Variants in COL12A1 observed in about 807,000 individuals in gnomAD.
COL12A1 encodes collagen alpha-1(XII) chain.
Under a neutral mutation model 349.7 loss-of-function variants are expected in COL12A1, and 114 were observed. The ratio of observed to expected loss-of-function variants is 0.33; its 90% CI spans 0.28 to 0.38. The LOEUF (loss-of-function observed/expected upper bound fraction) is 0.38, where lower values mean the gene tolerates loss of function less well. Among genes scored for constraint, COL12A1 ranks in the 10% least tolerant of loss-of-function variants. The probability of loss-of-function intolerance (pLI) is 1.00; values close to 1 mark genes in which losing one functional copy is unlikely to be tolerated. For missense variants in COL12A1, 3,284 were observed against 3,756.9 expected (o/e 0.87, Z 3.29); for synonymous variants, 1,369 against 1,329.0 (o/e 1.03, Z -0.66).
chr6:75,101,545 G>T, intron 58 of COL12A1, 55 bp downstream of exon 58: 1 of 1,541,488 alleles, frequency 6.5e-7, no homozygotes, highest in Non-Finnish European at 8.9e-7. Flanking sequence ...TTAATTAATA[G>T]GCAACCATAT....
At chr6:75,102,536 A>G in intron 56 of COL12A1, 61 bp downstream of exon 56, 3 of 1,294,882 alleles carry the variant, frequency 2.3e-6, no homozygotes, top group Non-Finnish European at 3.1e-6. Context: ...TGTAGAAAAG[A>G]TTCATTTAAC....
intron 30 of COL12A1, among the ~76,000 whole-genome samples, chr6:75,138,116 G>A (rs1766712815): frequency 6.6e-6 from 1 of 151,972 alleles, no homozygotes. Flanking sequence ...CTTTTGTTAT[G>A]GCACCCCAAG....
intron 51 of COL12A1, among the ~76,000 whole-genome samples, chr6:75,109,846 C>T (rs1236157221): frequency 6.6e-6 from 1 of 151,984 alleles, no homozygotes; most frequent in Admixed American, 6.6e-5. Context: ...AAAGAATGGT[C>T]CTGGGTAATC....
chr6:75,202,533 G>A (rs1424132558), intron 2 of COL12A1, among the ~76,000 whole-genome samples, 187 bp downstream of exon 2: 1 of 152,232 alleles, frequency 6.6e-6, no homozygotes, highest in Non-Finnish European at 1.5e-5. Context: ...ATACGAAAGA[G>A]CTGGACCTGA....
intron 10 of COL12A1, among the ~76,000 whole-genome samples, chr6:75,181,536 T>C (rs973802825): frequency 1.3e-5 from 2 of 152,212 alleles, no homozygotes; most frequent in Non-Finnish European, 2.9e-5. Flanking sequence ...TTGGAATATT[T>C]AAACCATAGC....
At chr6:75,088,925 C>T (rs1369241719) in intron 64 of COL12A1, among the ~76,000 whole-genome samples, 181 bp downstream of exon 64, 3 of 151,522 alleles carry the variant, frequency 2.0e-5, no homozygotes, top group African/African-American at 7.3e-5. Flanking sequence ...GGCGTGAACC[C>T]AGGAGGTGGA....
intron 13 of COL12A1, among the ~76,000 whole-genome samples, chr6:75,174,475 G>A (rs1160674080): frequency 6.6e-6 from 1 of 152,150 alleles, no homozygotes; most frequent in Non-Finnish European, 1.5e-5. Flanking sequence ...AGACTGGCGT[G>A]AACCATAGAG....
chr6:75,170,350 A>G (rs1768558354), intron 13 of COL12A1, among the ~76,000 whole-genome samples: 1 of 152,232 alleles, frequency 6.6e-6, no homozygotes, highest in South Asian at 2.1e-4. Context: ...ATTAGAGCTC[A>G]GCTCAAAAGT....
At position 75,091,491 on chromosome 6, in the gene COL12A1, C is replaced by G; in HGVS notation, c.8684G>C (p.Arg2895Thr). ...PSGLKGEKGD[R>T]GDIASQNMMR... ...GTAAGATTTTTTAAAAATACATACC[C>G]TATCACCTTTTTCTCCTTTCAACCC... Residue 2895 changes from arginine (R) to threonine (T), a missense_variant and splice_region_variant, in exon 61 of 66, where the codon AGG becomes ACG. Arg to Thr is a moderately conservative substitution (Grantham distance 71, BLOSUM62 -1). Transcript: ENST00000322507. 6.2e-7 allele frequency: 1 copy of G among 1,612,832 alleles called. No homozygotes were observed. Among genetic ancestry groups the G allele is most frequent in the Non-Finnish European group, 8.5e-7 (1 of 1,179,714 alleles).
intron 39 of COL12A1, among the ~76,000 whole-genome samples, chr6:75,126,009 C>A (rs776845939): frequency 2.0e-5 from 3 of 152,000 alleles, no homozygotes; most frequent in Non-Finnish European, 2.9e-5. Flanking sequence ...AATACCTGGG[C>A]ATAGTGGGAA....
chr6:75,165,962 A>C (rs1049084612), intron 13 of COL12A1, among the ~76,000 whole-genome samples, 183 bp from the exon 14 acceptor site: 1 of 152,142 alleles, frequency 6.6e-6, no homozygotes, highest in African/African-American at 2.4e-5. Flanking sequence ...AGATGCAATA[A>C]AACTTTAGAA....
rs375113182 is a variant in COL12A1 at position 75,113,686 on chromosome 6, G to C, written c.7756C>G (p.Leu2586Val). Residue 2586 changes from leucine (L) to valine (V), a missense_variant, in exon 50 of 66, where the codon CTC (leucine) becomes GTC (valine). Transcript: ENST00000322507. ...SYTIILLFRL[L>V]PETPSDPFAI... is the part of the protein sequence containing the mutation. The stretch of plus-strand genomic sequence containing the variant: ...AAAGGGTCACTGGGAGTTTCTGGGA[G>C]AAGTCTGAATAATAATATAATCGTG... The C allele has an allele frequency of 6.2e-7, 1 of 1,607,206 alleles. No individual in the cohort carries two copies.
In COL12A1 at chr6:75,091,470, GA is replaced by G. The variant is rs745441898; in HGVS notation, c.8685+19del. On this transcript the variant is annotated intron_variant, in intron 61 of 65. Coordinates refer to ENST00000322507, the MANE Select transcript of COL12A1 (RefSeq NM_004370.6). ...TGTTTAACACACAAAATAAACGTAA[GA>G]TTTTTTAAAAATACATACCCTATCA... 2.5e-6 allele frequency: 4 copies of G among 1,612,962 alleles called. No individual in the cohort carries two copies. The highest frequency in any genetic ancestry group is 3.4e-6 in the Non-Finnish European group (4 of 1,179,576).
rs191188430 is a variant in COL12A1, at chr6:75,193,725, C to A, written c.190+1106G>T. On this transcript the variant is annotated intron_variant, in intron 3 of 65. Transcript: ENST00000322507. ...ATATCTCCTAATGCTATCCCTCCCC[C>A]CTCCCCACACCCCATGACAGGCCCC... 4.6e-5 allele frequency among the ~76,000 whole-genome samples: 7 copies of A among 151,352 alleles called. No homozygotes were observed. The East Asian group carries it at 7.8e-4, about 17-fold the overall frequency.
chr6:75,119,930 C>A (rs635567), intron 44 of COL12A1, among the ~76,000 whole-genome samples: 113,794 of 152,096 alleles, frequency 0.75, 43,045 homozygotes, highest in African/African-American at 0.87. Flanking sequence ...CTCATCACAA[C>A]CTCATTGAAA....
chr6:75,162,239 G>A (rs916332129), intron 14 of COL12A1, among the ~76,000 whole-genome samples: 1 of 152,108 alleles, frequency 6.6e-6, no homozygotes, highest in African/African-American at 2.4e-5. Flanking sequence ...CAAGCTACCT[G>A]AATTCAAACT....
chr6:75,160,756 A>G (rs1314440399), intron 14 of COL12A1, among the ~76,000 whole-genome samples: 1 of 152,102 alleles, frequency 6.6e-6, no homozygotes, highest in Non-Finnish European at 1.5e-5. Context: ...CCCTCACCTA[A>G]CGTTAAATAA....
At chr6:75,174,935 G>T (rs1768838151) in intron 13 of COL12A1, 103 bp downstream of exon 13, 2 of 1,269,266 alleles carry the variant, frequency 1.6e-6, no homozygotes, top group East Asian at 2.3e-5. Flanking sequence ...TTAAGAGAAA[G>T]GATTGCACAC....
Position 75,177,463 on chromosome 6 carries a change from T to C in COL12A1, c.2437+200A>G, listed in dbSNP as rs368942446. Reference sequence around the variant, plus strand: ...TTAATTAAATAATTAATTAAACAAATAAATCTATTGACACAAGTAAATAAT... The same window carrying C: ...TTAATTAAATAATTAATTAAACAAACAAATCTATTGACACAAGTAAATAAT... On this transcript the variant is annotated intron_variant, in intron 12 of 65. Coordinates refer to ENST00000322507, the MANE Select transcript of COL12A1 (RefSeq NM_004370.6). 2.0e-5 allele frequency among the ~76,000 whole-genome samples: 3 copies of C among 151,678 alleles called. No individual in the cohort carries two copies. The East Asian group carries it at 5.8e-4, about 29-fold the overall frequency.
Sources: gnomAD v4.1 joint callset for allele counts (sites outside exome capture counted in the v4.1 genomes callset) on GRCh38, gnomAD v4.1.1 for gene constraint, MANE v1.5 for transcripts, NCBI Gene and HGNC (gene_info 2026-07-23, HGNC 2026-07-21) for gene names.